Variants in OSR2 observed in about 807,000 individuals in gnomAD.
The protein encoded by OSR2 is odd-skipped related transciption factor 2, also known as protein odd-skipped-related 2.
In OSR2, 8 loss-of-function variants were observed where a neutral mutation model predicts 22.3. That is an observed-to-expected ratio of 0.36 (90% CI 0.21 to 0.65). The LOEUF is 0.65. OSR2 is among the 30% of genes least tolerant of loss of function. The pLI is 0.66. For missense variants in OSR2, 311 were observed against 413.4 expected (o/e 0.75, Z 2.15); for synonymous variants, 179 against 173.8 (o/e 1.03, Z -0.23).
At position 98,948,276 on chromosome 8, in the gene OSR2, G is replaced by A. The variant is rs1043791200; in HGVS notation, c.-114-563G>A. On this transcript the variant is annotated intron_variant, in intron 1 of 3. Coordinates refer to ENST00000297565, the MANE Select transcript of OSR2 (RefSeq NM_001142462.3). The surrounding 1 kb of genome is among the most constrained non-coding windows in gnomAD (Gnocchi z 6.0). ...CTGGCCCAGGAGGATGAAGCGCGCC[G>A]GCTTCGCTCTTGCACGCCGGCTTGC... 3 of 1,515,828 alleles carry A rather than the reference G, an allele frequency of 2.0e-6. No homozygotes were observed. The highest frequency in any genetic ancestry group is 2.8e-5 in the African/African-American group (2 of 72,250). The allele number at this position is 1,515,828 out of a possible 1,614,324, so 93.9% of individuals were successfully genotyped here.
In OSR2 at chr8:98,948,282, G is replaced by A; in HGVS notation, c.-114-557G>A. On this transcript the variant is annotated intron_variant, in intron 1 of 3. Transcript: ENST00000297565. This position sits in a 1 kb window ranked among gnomAD's most constrained non-coding sequence, Gnocchi z 6.0. ...CAGGAGGATGAAGCGCGCCGGCTTC[G>A]CTCTTGCACGCCGGCTTGCCATCCG... 6.6e-7 allele frequency: 1 copy of A among 1,517,530 alleles called. No individual in the cohort carries two copies. The highest frequency in any genetic ancestry group is 8.8e-7 in the Non-Finnish European group (1 of 1,136,048). 94.0% of individuals were successfully genotyped at this position (1,517,530 alleles called of 1,614,324 possible).
chr8:98,948,155 G>A lies in OSR2; in HGVS notation c.-114-684G>A, dbSNP rs373765529. ...TGAGGTGTCACTTTTCTTTCCTGCG[G>A]CCCGTCACCGCTGATAGATGGGGCT... On this transcript the variant is annotated intron_variant, in intron 1 of 3. Transcript: ENST00000297565. The surrounding 1 kb of genome is among the most constrained non-coding windows in gnomAD (Gnocchi z 6.0). 4.5e-5 allele frequency: 62 copies of A among 1,381,708 alleles called. No individual in the cohort carries two copies. In the African/African-American group the frequency reaches 7.3e-4, roughly 16 times the overall value. 85.6% of individuals were successfully genotyped at this position (1,381,708 alleles called of 1,614,324 possible).
At chr8:98,951,403 T>C in intron 3 of OSR2, 116 bp from the exon 4 acceptor site, 1 of 1,002,182 alleles carries the variant, frequency 1.0e-6, no homozygotes, top group Non-Finnish European at 1.5e-6. Context: ...GTCTCCTCTT[T>C]TGTTGTCATG....
Position 98,948,306 on chromosome 8 carries a change from C to T in OSR2, c.-114-533C>T. ...CGCTCTTGCACGCCGGCTTGCCATCCGGGTAAGCGCGGGAAAGGCGGCCAC... is the reference window on the plus strand; with the variant it reads ...CGCTCTTGCACGCCGGCTTGCCATCTGGGTAAGCGCGGGAAAGGCGGCCAC... On this transcript the variant is annotated intron_variant, in intron 1 of 3. Coordinates refer to ENST00000297565, the MANE Select transcript of OSR2 (RefSeq NM_001142462.3). This position sits in a 1 kb window ranked among gnomAD's most constrained non-coding sequence, Gnocchi z 6.0. 1.3e-6 allele frequency: 2 copies of T among 1,524,080 alleles called. No homozygotes were observed. Among genetic ancestry groups the T allele is most frequent in the Non-Finnish European group, 8.8e-7 (1 of 1,139,960 alleles). 94.4% of individuals were successfully genotyped at this position (1,524,080 alleles called of 1,614,324 possible).
In OSR2 at chr8:98,948,534, G is replaced by T. The variant is rs1001902619; in HGVS notation, c.-114-305G>T. The T allele has an allele frequency of 8.1e-5, 109 of 1,345,330 alleles. No homozygotes were observed. The African/African-American group carries it at 1.2e-3, about 15-fold the overall frequency. The allele number at this position is 1,345,330 out of a possible 1,614,324, so 83.3% of individuals were successfully genotyped here. A position where few individuals can be genotyped will look rare whatever the true frequency, so the allele number is the denominator to read the frequency against. ...TGGGCTGGGTGCTGCCCGGCTGTCC[G>T]CCTTTCGTTTTCCTGGGACCGAGGA... On this transcript the variant is annotated intron_variant, in intron 1 of 3. Coordinates refer to ENST00000297565, the MANE Select transcript of OSR2 (RefSeq NM_001142462.3). This position sits in a 1 kb window ranked among gnomAD's most constrained non-coding sequence, Gnocchi z 6.0.
At chr8:98,945,337 C>G (rs1342487038) in intron 1 of OSR2, among the ~76,000 whole-genome samples, 1 of 152,222 alleles carries the variant, frequency 6.6e-6, no homozygotes, top group Admixed American at 6.5e-5. Context: ...CCTTCTAGTC[C>G]TGACTGAGGG....
At chr8:98,951,103 G>C (rs1345040899) in intron 3 of OSR2, 7 of 505,446 alleles carry the variant, frequency 1.4e-5, no homozygotes, top group African/African-American at 2.0e-5. Flanking sequence ...TCTTTCCCAA[G>C]GGCCTCATAA....
At chr8:98,951,027 C>T (rs1840767443) in intron 3 of OSR2, 3 of 557,860 alleles carry the variant, frequency 5.4e-6, no homozygotes, top group Non-Finnish European at 9.4e-6. Flanking sequence ...GCATTTAAAG[C>T]TTTCGTGTTT....
intron 1 of OSR2, among the ~76,000 whole-genome samples, chr8:98,946,938 T>C (rs1272799656): frequency 6.6e-6 from 1 of 152,040 alleles, no homozygotes; most frequent in East Asian, 1.9e-4. Flanking sequence ...CTCTGGAAAA[T>C]CCTCATTACG....
chr8:98,951,871 C>G lies in OSR2; in HGVS notation c.*170C>G. 1.6e-6 allele frequency: 1 copy of G among 630,500 alleles called. No homozygotes were observed. The highest frequency in any genetic ancestry group is 2.7e-6 in the Non-Finnish European group (1 of 366,732). 39.1% of individuals were successfully genotyped at this position (630,500 alleles called of 1,614,324 possible). ...AACTCTTCTTCTGGGGGACTGAGAA[C>G]TGTAGAAAGCCACACACTACTACAT... On this transcript the variant is annotated 3_prime_UTR_variant, in exon 4 of 4. Coordinates refer to ENST00000297565, the MANE Select transcript of OSR2 (RefSeq NM_001142462.3).
intron 1 of OSR2, 144 bp downstream of exon 1, chr8:98,944,967 T>C (rs1028140968): frequency 3.3e-5 from 5 of 152,266 alleles, no homozygotes; most frequent in African/African-American, 1.2e-4. Context: ...CAGGGCACTG[T>C]ATTTCTCACT....
chr8:98,948,662 C>A lies in OSR2; in HGVS notation c.-114-177C>A. On this transcript the variant is annotated intron_variant, in intron 1 of 3. Coordinates refer to ENST00000297565, the MANE Select transcript of OSR2 (RefSeq NM_001142462.3). This position sits in a 1 kb window ranked among gnomAD's most constrained non-coding sequence, Gnocchi z 6.0. ...CTTGTTCTGGCCCCGGGCTGATCTG[C>A]ACGCGGACTTGAGCAGGTGCCAAGG... is the stretch of plus-strand genomic sequence containing the variant. 2.0e-6 allele frequency: 2 copies of A among 983,534 alleles called. No homozygotes were observed. Among genetic ancestry groups the A allele is most frequent in the Non-Finnish European group, 2.9e-6 (2 of 688,778 alleles). 60.9% of individuals were successfully genotyped at this position (983,534 alleles called of 1,614,324 possible). A position where few individuals can be genotyped will look rare whatever the true frequency, so the allele number is the denominator to read the frequency against.
chr8:98,950,270 C>G (rs924971359), intron 2 of OSR2, among the ~76,000 whole-genome samples: 11 of 152,150 alleles, frequency 7.2e-5, no homozygotes, highest in Admixed American at 2.0e-4. Context: ...GATGAGACTT[C>G]TGTACCCATC....
chr8:98,948,432 G>A lies in OSR2; in HGVS notation c.-114-407G>A, dbSNP rs532286212. 8.6e-5 allele frequency: 113 copies of A among 1,314,436 alleles called. No homozygotes were observed. Among genetic ancestry groups the A allele is most frequent in the Non-Finnish European group, 1.0e-4 (106 of 1,028,138 alleles). 81.4% of individuals were successfully genotyped at this position (1,314,436 alleles called of 1,614,324 possible). ...GCAGCGGCGACAGAGGTTCGCCCCG[G>A]CCTGCTAGCATTGGCATTGCGGTTG... On this transcript the variant is annotated intron_variant, in intron 1 of 3. Transcript: ENST00000297565. This position sits in a 1 kb window ranked among gnomAD's most constrained non-coding sequence, Gnocchi z 6.0.
rs1385022206 is a variant in OSR2, at chr8:98,950,639, C to A, written c.657-17C>A. The A allele has an allele frequency of 6.5e-7, 1 of 1,549,226 alleles. No homozygotes were observed. Among genetic ancestry groups the A allele is most frequent in the Admixed American group, 1.7e-5 (1 of 58,522 alleles). On this transcript the variant is annotated splice_polypyrimidine_tract_variant and intron_variant, in intron 2 of 3. Coordinates refer to ENST00000297565, the MANE Select transcript of OSR2 (RefSeq NM_001142462.3). Reference sequence around the variant, plus strand: ...TGGGGCAAAGTTATTTCAATGAAACCTTATATTGATTTTCAGATACATCCA... The same window carrying A: ...TGGGGCAAAGTTATTTCAATGAAACATTATATTGATTTTCAGATACATCCA...
chr8:98,945,059 G>C (rs997992897), intron 1 of OSR2, among the ~76,000 whole-genome samples: 1 of 152,216 alleles, frequency 6.6e-6, no homozygotes. Context: ...TTTGTTTTGG[G>C]ATATTTAATC....
chr8:98,947,572 AGGGGCT>A (rs1587888413), intron 1 of OSR2, among the ~76,000 whole-genome samples: 2 of 152,294 alleles, frequency 1.3e-5, no homozygotes, highest in East Asian at 3.9e-4. Context: ...CTTTCTAAAA[AGGGGCT>A]GGTAGTGGGA....
Position 98,951,943 on chromosome 8 carries a change from C to T in OSR2, c.*242C>T. 2.2e-6 allele frequency: 1 copy of T among 459,928 alleles called. No individual in the cohort carries two copies. The allele number at this position is 459,928 out of a possible 1,614,324, so 28.5% of individuals were successfully genotyped here. ...TAGTTTCTTGTAGATATTCACAGCT[C>T]ATTTTAGAGCTCTGTACATAATGTT... On this transcript the variant is annotated 3_prime_UTR_variant, in exon 4 of 4. Transcript: ENST00000297565.
rs1840684312 is a variant in OSR2, at chr8:98,948,704, C to A, written c.-114-135C>A. 8.4e-7 allele frequency: 1 copy of A among 1,186,232 alleles called. No homozygotes were observed. Among genetic ancestry groups the A allele is most frequent in the Non-Finnish European group, 1.1e-6 (1 of 871,380 alleles). The allele number at this position is 1,186,232 out of a possible 1,614,324, so 73.5% of individuals were successfully genotyped here. A position where few individuals can be genotyped will look rare whatever the true frequency, so the allele number is the denominator to read the frequency against. Reference sequence around the variant, plus strand: ...GTGCCAAGGTGCCACGCAGTCCCCTCACGGCTTTCGGGGGGTCTTGGAGTC... The same window carrying A: ...GTGCCAAGGTGCCACGCAGTCCCCTAACGGCTTTCGGGGGGTCTTGGAGTC... On this transcript the variant is annotated intron_variant, in intron 1 of 3. Transcript: ENST00000297565. This position sits in a 1 kb window ranked among gnomAD's most constrained non-coding sequence, Gnocchi z 6.0.
Sources: allele counts gnomAD v4.1 joint callset (sites outside exome capture counted in the v4.1 genomes callset), GRCh38; gene constraint gnomAD v4.1.1; non-coding constraint Gnocchi (gnomAD v3.1); transcripts MANE v1.5; gene names NCBI Gene and HGNC (gene_info 2026-07-23, HGNC 2026-07-21).